PPP3CA: variants seen among roughly 807,000 people sequenced by gnomAD.
PPP3CA encodes CAM-PRP catalytic subunit.
A neutral mutation model predicts 66.5 loss-of-function variants in PPP3CA; 14 were observed. The observed-to-expected ratio is 0.21, with a 90% CI of 0.14 to 0.33. The LOEUF is 0.33. Ranked by LOEUF, PPP3CA falls within the 10% of genes least tolerant of loss-of-function variation. The pLI is 1.00. For missense variants in PPP3CA, 317 were observed against 639.5 expected, an observed-to-expected ratio of 0.50 and a Z score of 5.44; for synonymous variants, 232 against 226.2, an observed-to-expected ratio of 1.03 and a Z score of -0.23.
intron 1 of PPP3CA, among the ~76,000 whole-genome samples, chr4:101,314,569 CAAA>C (rs748980814): frequency 5.3e-5 from 4 of 75,254 alleles, no homozygotes; most frequent in East Asian, 4.1e-4. Flanking sequence ...ATCTCAAAAC[CAAA>C]AAAAAAAAAA....
chr4:101,121,533 G>T (rs2174681), intron 2 of PPP3CA, among the ~76,000 whole-genome samples: 57,845 of 151,686 alleles, frequency 0.38, 11,632 homozygotes, highest in South Asian at 0.49. Context: ...CAGTTATATT[G>T]TATATAAAGT....
intron 1 of PPP3CA, among the ~76,000 whole-genome samples, chr4:101,275,106 T>A (rs1474917600): frequency 6.6e-6 from 1 of 152,226 alleles, no homozygotes; most frequent in Non-Finnish European, 1.5e-5. Flanking sequence ...CCTCATTATT[T>A]CCTCATAACC....
intron 1 of PPP3CA, among the ~76,000 whole-genome samples, chr4:101,217,059 C>G (rs1270999911): frequency 2.0e-5 from 3 of 152,056 alleles, no homozygotes; most frequent in Non-Finnish European, 4.4e-5. Context: ...GAGCATCAAT[C>G]AACTCAATGG....
intron 1 of PPP3CA, among the ~76,000 whole-genome samples, chr4:101,218,838 A>T (rs961320482): frequency 6.6e-6 from 1 of 152,084 alleles, no homozygotes. Context: ...ACAGAAATAC[A>T]CATTTTCAAA....
At chr4:101,153,496 A>C (rs529531244) in intron 2 of PPP3CA, among the ~76,000 whole-genome samples, 1 of 152,356 alleles carries the variant, frequency 6.6e-6, no homozygotes, top group East Asian at 1.9e-4. Context: ...CACTTGGTAC[A>C]TGGAATATAA....
At chr4:101,261,258 G>A (rs1727000816) in intron 1 of PPP3CA, among the ~76,000 whole-genome samples, 2 of 151,992 alleles carry the variant, frequency 1.3e-5, no homozygotes, top group African/African-American at 4.8e-5. Context: ...CATATCAGAG[G>A]TAAACTCCTT....
At chr4:101,332,739 T>C (rs1729428809) in intron 1 of PPP3CA, among the ~76,000 whole-genome samples, 1 of 152,190 alleles carries the variant, frequency 6.6e-6, no homozygotes, top group Admixed American at 6.5e-5. Flanking sequence ...CTTAAAAAAT[T>C]AGTATCGTTT....
intron 1 of PPP3CA, among the ~76,000 whole-genome samples, chr4:101,202,095 T>C (rs1283041635): frequency 2.0e-5 from 3 of 152,192 alleles, no homozygotes; most frequent in Non-Finnish European, 2.9e-5. Flanking sequence ...GAAAAAAATA[T>C]ATAAGTAGTA....
intron 2 of PPP3CA, among the ~76,000 whole-genome samples, chr4:101,183,334 G>C (rs552503266): frequency 6.6e-6 from 1 of 152,206 alleles, no homozygotes; most frequent in East Asian, 1.9e-4. Context: ...TTAGTTGCAT[G>C]ATCTGAAAGT....
chr4:101,141,098 T>C (rs1722793315), intron 2 of PPP3CA, among the ~76,000 whole-genome samples: 1 of 152,084 alleles, frequency 6.6e-6, no homozygotes, highest in East Asian at 1.9e-4. Context: ...AACCCTGCAG[T>C]GGGCCACACA....
intron 1 of PPP3CA, among the ~76,000 whole-genome samples, chr4:101,338,405 A>G (rs1192294346): frequency 6.6e-6 from 1 of 152,274 alleles, no homozygotes; most frequent in Admixed American, 6.5e-5. Context: ...ATTTCAAAAC[A>G]TAAAGGAACC....
intron 1 of PPP3CA, among the ~76,000 whole-genome samples, chr4:101,282,873 T>C (rs1727729836): frequency 1.3e-5 from 2 of 152,210 alleles, no homozygotes; most frequent in African/African-American, 4.8e-5. Context: ...CAACTCTAAT[T>C]TGAAATCTAA....
intron 2 of PPP3CA, among the ~76,000 whole-genome samples, chr4:101,140,710 G>A (rs946497759): frequency 2.0e-5 from 3 of 151,996 alleles, no homozygotes; most frequent in African/African-American, 7.2e-5. Context: ...ATTGTGTTAT[G>A]GACAAAGAGA....
chr4:101,050,545 A>G (rs1420721990), intron 10 of PPP3CA, among the ~76,000 whole-genome samples: 1 of 152,172 alleles, frequency 6.6e-6, no homozygotes, highest in Non-Finnish European at 1.5e-5. Flanking sequence ...TTATTTCCAT[A>G]TAATCCTCGC....
chr4:101,075,173 G>A (rs1427950230), intron 8 of PPP3CA, among the ~76,000 whole-genome samples: 1 of 152,138 alleles, frequency 6.6e-6, no homozygotes, highest in African/African-American at 2.4e-5. Context: ...TACAATTCAA[G>A]GTGAAATCTG....
intron 1 of PPP3CA, among the ~76,000 whole-genome samples, chr4:101,295,780 A>G (rs1489221293): frequency 2.0e-5 from 3 of 152,352 alleles, no homozygotes; most frequent in Non-Finnish European, 4.4e-5. Flanking sequence ...AGATGTTTCC[A>G]TTCCCTCCTA....
intron 2 of PPP3CA, among the ~76,000 whole-genome samples, chr4:101,167,972 A>C (rs1723745988): frequency 6.6e-6 from 1 of 152,208 alleles, no homozygotes; most frequent in African/African-American, 2.4e-5. Context: ...CTAGTGGGAA[A>C]GGAAGCTCCT....
intron 1 of PPP3CA, among the ~76,000 whole-genome samples, chr4:101,306,134 C>A (rs1728528651): frequency 6.6e-6 from 1 of 152,142 alleles, no homozygotes; most frequent in African/African-American, 2.4e-5. Context: ...AGCTCTTTGT[C>A]ATGTCCATGG....
At chr4:101,227,075 A>C (rs1725805912) in intron 1 of PPP3CA, among the ~76,000 whole-genome samples, 2 of 151,658 alleles carry the variant, frequency 1.3e-5, no homozygotes, top group South Asian at 4.1e-4. Flanking sequence ...AATGTTGAAA[A>C]CACAGATGTC....
Sources: allele counts gnomAD v4.1 joint callset (sites outside exome capture counted in the v4.1 genomes callset), GRCh38; gene constraint gnomAD v4.1.1; transcripts MANE v1.5; gene names NCBI Gene and HGNC (gene_info 2026-07-23, HGNC 2026-07-21).